The following DYNLRB2 variants were observed in gnomAD, a reference collection of about 807,000 sequenced individuals.
The protein encoded by DYNLRB2 is bithoraxoid-like protein.
A neutral mutation model predicts 12.6 loss-of-function variants in DYNLRB2; 14 were observed. The ratio of observed to expected loss-of-function variants is 1.11; its 90% CI spans 0.73 to 1.73. The LOEUF (loss-of-function observed/expected upper bound fraction) is 1.73. DYNLRB2 is among the 40% of genes most tolerant of loss of function. DYNLRB2 has a pLI of 0.00. For missense variants in DYNLRB2, 142 were observed against 117.7 expected, an observed-to-expected ratio of 1.21 and a Z score of -0.95; for synonymous variants, 53 against 37.0, an observed-to-expected ratio of 1.43 and a Z score of -1.57.
chr16:80,542,636 C>T (rs144333401), intron 1 of DYNLRB2, among the ~76,000 whole-genome samples: 15 of 152,252 alleles, frequency 9.9e-5, no homozygotes, highest in African/African-American at 2.6e-4. Flanking sequence ...CATAAGATTC[C>T]GAATGAGTTT....
At chr16:80,546,155 AG>A (rs1398938615) in intron 2 of DYNLRB2, among the ~76,000 whole-genome samples, 4 of 152,204 alleles carry the variant, frequency 2.6e-5, no homozygotes, top group African/African-American at 9.7e-5. Context: ...GTATATAACA[AG>A]GGTGTTTATT....
intron 1 of DYNLRB2, among the ~76,000 whole-genome samples, chr16:80,541,563 G>A (rs12598311): frequency 0.59 from 76,698 of 130,530 alleles, 25,781 homozygotes; most frequent in East Asian, 0.81. Flanking sequence ...AGTGATGGGA[G>A]ACCCGCCCCC....
chr16:80,550,611 C>A lies in DYNLRB2; in HGVS notation c.*53C>A, dbSNP rs370418206. 17 of 1,581,504 alleles carry A rather than the reference C, an allele frequency of 1.1e-5. No homozygotes were observed. In the Admixed American group the frequency reaches 2.8e-4, roughly 26 times the overall value. ...GACACTGGGTTGGAAACACTTGGCT[C>A]TCTCATGAGTATTAAAATTCTATTT... On this transcript the variant is annotated 3_prime_UTR_variant, in exon 4 of 4. Transcript: ENST00000305904.
Position 80,549,498 on chromosome 16 carries a change from A to G in DYNLRB2, c.94A>G (p.Thr32Ala). ...TTTCATAATAGGTATTCCCATCCGA[A>G]CAACCTTGGACAACTCAACAACTGT... ...VVNAEGIPIRTTLDNSTTVQY... is the reference protein window; with the variant it reads ...VVNAEGIPIRATLDNSTTVQY... The change falls in exon 3 of 4, where the codon ACA (threonine) becomes GCA (alanine). Residue 32 changes from threonine (T) to alanine (A), a missense_variant. Coordinates refer to ENST00000305904, the MANE Select transcript of DYNLRB2 (RefSeq NM_130897.3). The G allele has an allele frequency of 6.3e-7, 1 of 1,597,330 alleles. No homozygotes were observed. Among genetic ancestry groups the G allele is most frequent in the Admixed American group, 1.7e-5 (1 of 58,412 alleles).
chr16:80,550,629 T>G lies in DYNLRB2; in HGVS notation c.*71T>G. ...CTTGGCTCTCTCATGAGTATTAAAA[T>G]TCTATTTCAATCTAACTGACCCTTC... is the stretch of plus-strand genomic sequence containing the variant. On this transcript the variant is annotated 3_prime_UTR_variant, in exon 4 of 4. Coordinates refer to ENST00000305904, the MANE Select transcript of DYNLRB2 (RefSeq NM_130897.3). 1 of 1,529,056 alleles carries G rather than the reference T, an allele frequency of 6.5e-7. No homozygotes were observed. Among genetic ancestry groups the G allele is most frequent in the Admixed American group, 1.7e-5 (1 of 59,700 alleles). 94.7% of individuals were successfully genotyped at this position (1,529,056 alleles called of 1,614,324 possible).
intron 1 of DYNLRB2, among the ~76,000 whole-genome samples, chr16:80,542,798 G>A (rs753240786): frequency 3.3e-5 from 5 of 152,116 alleles, no homozygotes; most frequent in Non-Finnish European, 5.9e-5. Context: ...GAACTGATTA[G>A]GTCACATTAA....
Position 80,541,357 on chromosome 16 carries a change from G to A in DYNLRB2, c.3+278G>A, listed in dbSNP as rs1904286606. On this transcript the variant is annotated intron_variant, in intron 1 of 3. Transcript: ENST00000305904. ...AAGGGAAGAGAGAGATTCAGAGGAT[G>A]AAGAATGCTCAGGGGAGTGAGAAAT... is the stretch of plus-strand genomic sequence containing the variant. 6.1e-6 allele frequency: 6 copies of A among 984,576 alleles called. 1 individual carries two copies. The South Asian group carries it at 2.8e-4, about 46-fold the overall frequency. 61.0% of individuals were successfully genotyped at this position (984,576 alleles called of 1,614,324 possible).
chr16:80,545,961 G>A (rs1014782946), intron 2 of DYNLRB2, among the ~76,000 whole-genome samples: 6 of 151,850 alleles, frequency 4.0e-5, no homozygotes, highest in East Asian at 1.9e-4. Context: ...GAGCCACCAC[G>A]CCCAGCCTTC....
At chr16:80,548,695 C>A (rs1474768925) in intron 2 of DYNLRB2, among the ~76,000 whole-genome samples, 1 of 148,568 alleles carries the variant, frequency 6.7e-6, no homozygotes, top group East Asian at 2.0e-4. Context: ...GCACTCCAGC[C>A]TGGGGGGCCT....
chr16:80,548,811 G>A (rs1345558842), intron 2 of DYNLRB2: 2 of 363,850 alleles, frequency 5.5e-6, no homozygotes, highest in Non-Finnish European at 1.1e-5. Flanking sequence ...GGAATGCACA[G>A]CAAAACTACA....
intron 1 of DYNLRB2, among the ~76,000 whole-genome samples, chr16:80,542,984 T>C (rs913177028): frequency 6.6e-6 from 1 of 152,230 alleles, no homozygotes; most frequent in African/African-American, 2.4e-5. Context: ...AATACTTTTC[T>C]AGTAAATGGA....
At chr16:80,548,208 A>G (rs1904601588) in intron 2 of DYNLRB2, 2 of 169,334 alleles carry the variant, frequency 1.2e-5, no homozygotes, top group African/African-American at 4.8e-5. Context: ...ACATTTGCAA[A>G]TCAAATCCCT....
chr16:80,541,717 A>G (rs1191455359), intron 1 of DYNLRB2, among the ~76,000 whole-genome samples: 1 of 151,984 alleles, frequency 6.6e-6, no homozygotes, highest in East Asian at 1.9e-4. Context: ...AAGAGAAACA[A>G]CTGGGTGGAG....
chr16:80,541,277 C>T, intron 1 of DYNLRB2, 198 bp downstream of exon 1: 2 of 954,468 alleles, frequency 2.1e-6, no homozygotes, highest in Non-Finnish European at 2.5e-6. Context: ...TGACTGGAAG[C>T]TGTTTTGGGA....
rs1904283120 is a variant in DYNLRB2 at position 80,541,015 on chromosome 16, C to G, written c.-62C>G. On this transcript the variant is annotated 5_prime_UTR_variant, in exon 1 of 4. Transcript: ENST00000305904. ...TTTGTCTCCTAGCAACGGCGGGTAG[C>G]GTTGTTGACATCCCGGGAGGCTGTG... The G allele has an allele frequency of 6.3e-7, 1 of 1,584,770 alleles. No individual in the cohort carries two copies. The highest frequency in any genetic ancestry group is 2.3e-5 in the East Asian group (1 of 44,426).
chr16:80,545,666 C>CTTTTTTT lies in DYNLRB2; in HGVS notation c.79+2328_79+2334dup, dbSNP rs775659372. Among the ~76,000 whole-genome samples the CTTTTTTT allele has an allele frequency of 1.6e-4, 12 of 74,916 alleles. 4 individuals carry two copies. Among genetic ancestry groups the CTTTTTTT allele is most frequent in the Admixed American group, 2.1e-4 (1 of 4,844 alleles). 49.1% of individuals were successfully genotyped at this position (74,916 alleles called of 152,430 possible). On this transcript the variant is annotated intron_variant, in intron 2 of 3. Coordinates refer to ENST00000305904, the MANE Select transcript of DYNLRB2 (RefSeq NM_130897.3). ...TATTATTTTCAGTACCCATTAGCTT[C>CTTTTTTT]TTTTTTTTTTTTTTTTTTTGAGATG...
chr16:80,541,222 AG>A, intron 1 of DYNLRB2, 143 bp downstream of exon 1: 1 of 1,430,028 alleles, frequency 7.0e-7, no homozygotes, highest in Admixed American at 2.9e-5. Context: ...ATCTTCCTGG[AG>A]GGGCGAGAGG....
chr16:80,548,040 G>T (rs1013701189), intron 2 of DYNLRB2: 1 of 319,868 alleles, frequency 3.1e-6, no homozygotes, highest in African/African-American at 2.2e-5. Context: ...TTCCATTCTT[G>T]AAAGCGCTTG....
In DYNLRB2 at chr16:80,541,036, C is replaced by T. The variant is rs763798060; in HGVS notation, c.-41C>T. The T allele has an allele frequency of 7.5e-6, 12 of 1,602,366 alleles. No homozygotes were observed. The highest frequency in any genetic ancestry group is 9.4e-6 in the Non-Finnish European group (11 of 1,173,080). On this transcript the variant is annotated 5_prime_UTR_variant, in exon 1 of 4. Transcript: ENST00000305904. ...GTAGCGTTGTTGACATCCCGGGAGG[C>T]TGTGCCGCCGGCCTGAGCCCAGAGT...
Sources: allele counts gnomAD v4.1 joint callset (sites outside exome capture counted in the v4.1 genomes callset), GRCh38; gene constraint gnomAD v4.1.1; transcripts MANE v1.5; gene names NCBI Gene and HGNC (gene_info 2026-07-23, HGNC 2026-07-21).